Variants in MEMO1 observed in about 807,000 individuals in gnomAD.
The protein encoded by MEMO1 is protein MEMO1.
MEMO1 carries 6 observed loss-of-function variants against 45.2 expected under a neutral mutation model. The observed-to-expected ratio is 0.13, with a 90% CI of 0.07 to 0.26. MEMO1 has a LOEUF of 0.26. MEMO1 is among the 10% of genes least tolerant of loss of function. The pLI is 1.00. For synonymous variants in MEMO1, 78 were observed against 124.3 expected (o/e 0.63, Z 2.48); for missense variants, 184 against 370.5 (o/e 0.50, Z 4.13).
chr2:31,912,095 A>G (rs1259614979), intron 6 of MEMO1, among the ~76,000 whole-genome samples: 1 of 152,110 alleles, frequency 6.6e-6, no homozygotes, highest in Non-Finnish European at 1.5e-5. Context: ...GCACTTTGGG[A>G]GGCCGAGGGC....
intron 7 of MEMO1, among the ~76,000 whole-genome samples, chr2:31,891,252 C>T (rs1676933172): frequency 6.6e-6 from 1 of 152,086 alleles, no homozygotes; most frequent in Non-Finnish European, 1.5e-5. Flanking sequence ...AAAGAGATGT[C>T]CTAAAACGAA....
At chr2:31,939,963 C>T (rs1665415236) in intron 3 of MEMO1, among the ~76,000 whole-genome samples, 1 of 152,162 alleles carries the variant, frequency 6.6e-6, no homozygotes, top group South Asian at 2.1e-4. Context: ...CTCAAGGTCA[C>T]CAGTGATTTC....
chr2:32,009,938 T>C (rs1674623137), intron 2 of MEMO1, among the ~76,000 whole-genome samples: 2 of 151,346 alleles, frequency 1.3e-5, no homozygotes, highest in South Asian at 2.1e-4. Flanking sequence ...ACTCTCCCTC[T>C]CGCCCAACTC....
At chr2:31,872,506 G>A (rs1194916318) in intron 8 of MEMO1, among the ~76,000 whole-genome samples, 2 of 152,018 alleles carry the variant, frequency 1.3e-5, no homozygotes, top group African/African-American at 4.8e-5. Flanking sequence ...TTTATATACT[G>A]ATATGAATTT....
At chr2:31,976,007 C>G (rs1669962035) in intron 2 of MEMO1, among the ~76,000 whole-genome samples, 1 of 152,186 alleles carries the variant, frequency 6.6e-6, no homozygotes. Context: ...TCTTCTGCCT[C>G]AGCCTCCCGA....
chr2:31,916,643 C>T (rs1009598663), intron 6 of MEMO1, among the ~76,000 whole-genome samples: 1 of 152,118 alleles, frequency 6.6e-6, no homozygotes, highest in Non-Finnish European at 1.5e-5. Flanking sequence ...GTTCTGATTA[C>T]AACAACAATT....
chr2:31,931,601 T>C (rs1197865733), intron 4 of MEMO1, among the ~76,000 whole-genome samples: 3 of 152,154 alleles, frequency 2.0e-5, no homozygotes, highest in Non-Finnish European at 4.4e-5. Flanking sequence ...TATTAAGAGT[T>C]AATATGCCTC....
At chr2:31,980,973 C>G (rs1473388296) in intron 2 of MEMO1, among the ~76,000 whole-genome samples, 2 of 152,220 alleles carry the variant, frequency 1.3e-5, no homozygotes, top group Admixed American at 6.6e-5. Context: ...AACGTGGTGA[C>G]TAGATAAACT....
intron 5 of MEMO1, among the ~76,000 whole-genome samples, chr2:31,918,798 T>G (rs1245409242): frequency 6.6e-6 from 1 of 152,164 alleles, no homozygotes; most frequent in East Asian, 1.9e-4. Context: ...AATTTTATAA[T>G]TAGATCCTTA....
rs185189870 is a variant in MEMO1 at position 31,993,611 on chromosome 2, T to C, written c.61+16576A>G. On this transcript the variant is annotated intron_variant, in intron 2 of 9. Transcript: ENST00000404530. ...GAACTCTGGAAATCTGCAAAGGGGT[T>C]CACTCAGGTTTTTGGTTTAATACCA... is the stretch of plus-strand genomic sequence containing the variant. 9.7e-3 allele frequency among the ~76,000 whole-genome samples: 1,475 copies of C among 152,280 alleles called. 26 individuals carry two copies. Among genetic ancestry groups the C allele is most frequent in the South Asian group, 0.048 (232 of 4,816 alleles).
intron 6 of MEMO1, chr2:31,893,442 G>C (rs1037690268): frequency 2.5e-6 from 2 of 808,278 alleles, no homozygotes; most frequent in South Asian, 5.2e-5. Context: ...AATTAGTTAA[G>C]ACTGATTGTC....
rs540022379 is a variant in MEMO1, at chr2:31,993,621, T to G, written c.61+16566A>C. ...AATCTGCAAAGGGGTTCACTCAGGTTTTTGGTTTAATACCACAACCTGCCC... is the reference window on the plus strand; with the variant it reads ...AATCTGCAAAGGGGTTCACTCAGGTGTTTGGTTTAATACCACAACCTGCCC... On this transcript the variant is annotated intron_variant, in intron 2 of 9. Coordinates refer to ENST00000404530, the MANE Select transcript of MEMO1 (RefSeq NM_001301833.4). Among the ~76,000 whole-genome samples the G allele has an allele frequency of 6.6e-5, 10 of 152,264 alleles. 1 individual carries two copies. The South Asian group carries it at 2.1e-3, about 32-fold the overall frequency.
intron 3 of MEMO1, among the ~76,000 whole-genome samples, chr2:31,940,967 A>G (rs936874330): frequency 3.9e-5 from 6 of 152,202 alleles, no homozygotes; most frequent in African/African-American, 9.6e-5. Flanking sequence ...TTCTATAATT[A>G]TAATTGTAAA....
At chr2:31,936,211 C>T (rs946932734) in intron 3 of MEMO1, among the ~76,000 whole-genome samples, 1 of 152,116 alleles carries the variant, frequency 6.6e-6, no homozygotes, top group Non-Finnish European at 1.5e-5. Flanking sequence ...ATCCGCCTGC[C>T]TCAGCCTCCC....
At chr2:31,959,501 G>GAA (rs70964743) in intron 2 of MEMO1, among the ~76,000 whole-genome samples, 15 of 142,490 alleles carry the variant, frequency 1.1e-4, no homozygotes, top group African/African-American at 1.8e-4. Flanking sequence ...AATGAGAACT[G>GAA]AAAAAAAAAA....
intron 3 of MEMO1, among the ~76,000 whole-genome samples, chr2:31,935,957 T>C (rs1558516554): frequency 6.6e-6 from 1 of 151,984 alleles, no homozygotes; most frequent in Non-Finnish European, 1.5e-5. Flanking sequence ...TTTTATTTTT[T>C]ATTTTTATTT....
Position 31,970,009 on chromosome 2 carries a change from T to C in MEMO1, c.62-26626A>G, listed in dbSNP as rs142669254. Among the ~76,000 whole-genome samples, 639 of 152,206 alleles carry C rather than the reference T, an allele frequency of 4.2e-3. 3 individuals are homozygous for C. Among genetic ancestry groups the C allele is most frequent in the African/African-American group, 0.014 (602 of 41,528 alleles). ...GGGACGGGGACAGAATCTTGCTCTCTTGCCCAGGCTGGAGTGCAGTGGCGC... is the reference window on the plus strand; with the variant it reads ...GGGACGGGGACAGAATCTTGCTCTCCTGCCCAGGCTGGAGTGCAGTGGCGC... On this transcript the variant is annotated intron_variant, in intron 2 of 9. Coordinates refer to ENST00000404530, the MANE Select transcript of MEMO1 (RefSeq NM_001301833.4).
At chr2:31,928,241 A>G (rs913628708) in intron 4 of MEMO1, among the ~76,000 whole-genome samples, 25 of 152,316 alleles carry the variant, frequency 1.6e-4, no homozygotes, top group African/African-American at 5.5e-4. Flanking sequence ...CCTAATAGTT[A>G]CTGTGAAAAG....
intron 8 of MEMO1, among the ~76,000 whole-genome samples, chr2:31,870,212 A>AC (rs556643964): frequency 7.2e-5 from 11 of 152,166 alleles, no homozygotes; most frequent in Non-Finnish European, 1.6e-4. Flanking sequence ...TTTCTATACT[A>AC]CTTTAACCAG....
Sources: allele counts gnomAD v4.1 joint callset (sites outside exome capture counted in the v4.1 genomes callset), GRCh38; gene constraint gnomAD v4.1.1; transcripts MANE v1.5; gene names NCBI Gene and HGNC (gene_info 2026-07-23, HGNC 2026-07-21).